ST3GAL6: variants seen among roughly 807,000 people sequenced by gnomAD.
ST3GAL6 encodes type 2 lactosamine alpha-2,3-sialyltransferase.
A neutral mutation model predicts 40.5 loss-of-function variants in ST3GAL6; 31 were observed. That is an observed-to-expected ratio of 0.77 (90% CI 0.58 to 1.03). ST3GAL6 has a LOEUF of 1.03. Ranked by LOEUF, ST3GAL6 falls within the 50% of genes least tolerant of loss-of-function variation. The probability of loss-of-function intolerance (pLI) is 0.00; values close to 1 mark genes in which losing one functional copy is unlikely to be tolerated. For synonymous variants in ST3GAL6, 129 were observed against 136.9 expected (o/e 0.94, Z 0.40); for missense variants, 357 against 393.2 (o/e 0.91, Z 0.78).
intron 5 of ST3GAL6, among the ~76,000 whole-genome samples, chr3:98,777,358 C>T (rs1939652642): frequency 6.6e-6 from 1 of 152,190 alleles, no homozygotes. Flanking sequence ...GTATTCGTAC[C>T]ATGGGAATTG....
Position 98,732,725 on chromosome 3 carries a change from C to A in ST3GAL6, c.-12+193C>A, listed in dbSNP as rs1935131396. On this transcript the variant is annotated intron_variant, in intron 1 of 9. Transcript: ENST00000265261. The stretch of plus-strand genomic sequence containing the variant: ...CGCAGTCGCCCGGGATTGGGGCTGG[C>A]GGGAGCCTGAGACTCCGGGCAGGGC... 18 of 836,194 alleles carry A rather than the reference C, an allele frequency of 2.2e-5. No individual in the cohort carries two copies. In the South Asian group the frequency reaches 3.5e-4, roughly 16 times the overall value. The allele number at this position is 836,194 out of a possible 1,614,324, so 51.8% of individuals were successfully genotyped here. A position where few individuals can be genotyped will look rare whatever the true frequency, so the allele number is the denominator to read the frequency against.
intron 1 of ST3GAL6, among the ~76,000 whole-genome samples, chr3:98,740,965 C>T (rs992196228): frequency 3.3e-5 from 5 of 151,846 alleles, no homozygotes; most frequent in Non-Finnish European, 7.4e-5. Context: ...CATTCTTCAG[C>T]GAACAGCAAC....
At chr3:98,791,740 T>A in intron 8 of ST3GAL6, 101 bp from the exon 9 acceptor site, 1 of 1,070,828 alleles carries the variant, frequency 9.3e-7, no homozygotes, top group Non-Finnish European at 1.4e-6. Context: ...CCTTATTAAA[T>A]GTTTAGAAAT....
At chr3:98,769,688 C>T (rs925616518) in intron 2 of ST3GAL6, among the ~76,000 whole-genome samples, 1 of 152,186 alleles carries the variant, frequency 6.6e-6, no homozygotes, top group African/African-American at 2.4e-5. Flanking sequence ...ACAGCAAGTA[C>T]CTTGGGATAT....
intron 1 of ST3GAL6, among the ~76,000 whole-genome samples, chr3:98,740,326 C>G (rs1156713446): frequency 2.3e-5 from 3 of 129,452 alleles, no homozygotes; most frequent in African/African-American, 9.4e-5. Context: ...TATATTCAAG[C>G]TCTCTATGAC....
Position 98,770,888 on chromosome 3 carries a change from T to G in ST3GAL6, c.99T>G (p.Pro33=). ...TATTTTTGTCTCATAGGGTGGCACCTGTGGAAATGAAACGGAGAAATAAGA... is the reference window on the plus strand; with the variant it reads ...TATTTTTGTCTCATAGGGTGGCACCGGTGGAAATGAAACGGAGAAATAAGA... ...LWGTNVYWVA[P]VEMKRRNKIQ... The change falls in exon 3 of 10, where the codon CCT becomes CCG. Residue 33 remains proline (P), a synonymous_variant. Coordinates refer to ENST00000483910, the MANE Select transcript of ST3GAL6 (RefSeq NM_001323368.2). The G allele has an allele frequency of 3.1e-6, 5 of 1,614,060 alleles. No individual in the cohort carries two copies. Among genetic ancestry groups the G allele is most frequent in the Non-Finnish European group, 4.2e-6 (5 of 1,179,944 alleles).
chr3:98,740,781 T>C (rs1936014331), intron 1 of ST3GAL6, among the ~76,000 whole-genome samples: 1 of 152,236 alleles, frequency 6.6e-6, no homozygotes. Context: ...ACTCTGTTTT[T>C]ATAGCTATTA....
At chr3:98,793,601 T>G in intron 9 of ST3GAL6, 74 bp from the exon 10 acceptor site, 1 of 884,192 alleles carries the variant, frequency 1.1e-6, no homozygotes, top group South Asian at 2.5e-5. Context: ...TTTTTAGATA[T>G]AAAGTACTCC....
intron 1 of ST3GAL6, among the ~76,000 whole-genome samples, chr3:98,735,894 TCTTTCCC>T (rs1450287583): frequency 6.6e-6 from 1 of 152,212 alleles, no homozygotes; most frequent in Non-Finnish European, 1.5e-5. Context: ...TAGCTGGAGT[TCTTTCCC>T]CTGATGGTGA....
chr3:98,748,389 A>G (rs969285545), intron 1 of ST3GAL6, among the ~76,000 whole-genome samples: 5 of 152,210 alleles, frequency 3.3e-5, no homozygotes, highest in Non-Finnish European at 7.3e-5. Context: ...TGTGGGGATT[A>G]TATGAGTTTG....
chr3:98,776,445 C>T (rs1939555919), intron 5 of ST3GAL6, among the ~76,000 whole-genome samples: 1 of 152,186 alleles, frequency 6.6e-6, no homozygotes, highest in Non-Finnish European at 1.5e-5. Context: ...CTGCCTTTGG[C>T]AGGAGAGTCC....
chr3:98,786,116 G>T (rs1032939185), intron 6 of ST3GAL6, among the ~76,000 whole-genome samples: 1 of 152,098 alleles, frequency 6.6e-6, no homozygotes, highest in Admixed American at 6.5e-5. Flanking sequence ...TGTTAGATTT[G>T]CAGTGGGTTT....
rs537808079 is a variant in ST3GAL6, at chr3:98,746,714, ATAT to A, written c.-12+14187_-12+14189del. 1.4e-4 allele frequency among the ~76,000 whole-genome samples: 21 copies of A among 152,194 alleles called. No individual in the cohort carries two copies. The South Asian group carries it at 4.4e-3, about 32-fold the overall frequency. ...TTTTTTAATTTTTAAAAATTATGCA[ATAT>A]TATTTATTTTATTTTAATTTCCTTA... is the stretch of plus-strand genomic sequence containing the variant. On this transcript the variant is annotated intron_variant, in intron 1 of 9. Coordinates refer to the ST3GAL6 transcript ENST00000265261.
At chr3:98,766,880 G>A (rs1938412130) in intron 1 of ST3GAL6, among the ~76,000 whole-genome samples, 1 of 152,148 alleles carries the variant, frequency 6.6e-6, no homozygotes, top group Non-Finnish European at 1.5e-5. Context: ...AGGACCCTCA[G>A]GTCAGAAGAG....
At chr3:98,782,761 C>A in intron 5 of ST3GAL6, 1 of 511,938 alleles carries the variant, frequency 2.0e-6, no homozygotes, top group South Asian at 1.6e-5. Flanking sequence ...CAAGTGGTCT[C>A]ATAATCAACA....
chr3:98,771,674 C>T (rs1458830821), intron 3 of ST3GAL6, among the ~76,000 whole-genome samples: 3 of 151,870 alleles, frequency 2.0e-5, no homozygotes, highest in African/African-American at 7.3e-5. Flanking sequence ...TGTTTTTTAA[C>T]TCTTTGGGGC....
intron 1 of ST3GAL6, among the ~76,000 whole-genome samples, chr3:98,754,434 T>C (rs181694565): frequency 6.6e-6 from 1 of 152,358 alleles, no homozygotes; most frequent in Admixed American, 6.5e-5. Context: ...GATTGCTTCT[T>C]ATGCAGGAGC....
chr3:98,791,894 A>G lies in ST3GAL6; in HGVS notation c.810A>G (p.Ile270Met), dbSNP rs765046264. The G allele has an allele frequency of 1.5e-5, 25 of 1,613,912 alleles. No individual in the cohort carries two copies. Among genetic ancestry groups the G allele is most frequent in the East Asian group, 2.2e-5 (1 of 44,880 alleles). Residue 270 changes from isoleucine to methionine, a missense_variant, in exon 9 of 10, where the codon ATA becomes ATG. Ile to Met is a conservative substitution (Grantham distance 10). Coordinates refer to ENST00000483910, the MANE Select transcript of ST3GAL6 (RefSeq NM_001323368.2). ...TTGCCATCACATTGGCGTTTTACAT[A>G]TGTCACGAAGTTCACCTAGCTGGTT... ...GIIAITLAFY[I>M]CHEVHLAGFK...
chr3:98,748,325 G>T (rs534864427), intron 1 of ST3GAL6, among the ~76,000 whole-genome samples: 1 of 152,294 alleles, frequency 6.6e-6, no homozygotes, highest in South Asian at 2.1e-4. Flanking sequence ...CTAGGTCTCA[G>T]TCTCCTTTTC....
Sources: gnomAD v4.1 joint callset for allele counts (sites outside exome capture counted in the v4.1 genomes callset) on GRCh38, gnomAD v4.1.1 for gene constraint, MANE v1.5 for transcripts, NCBI Gene and HGNC (gene_info 2026-07-23, HGNC 2026-07-21) for gene names.